Variants in ATR observed in about 807,000 individuals in gnomAD.
ATR encodes ATR checkpoint kinase, also known as serine/threonine-protein kinase ATR.
Under a neutral mutation model 305.3 loss-of-function variants are expected in ATR, and 142 were observed. That is an observed-to-expected ratio of 0.47 (90% CI 0.41 to 0.53). The LOEUF is 0.53. Among genes scored for constraint, ATR ranks in the 20% least tolerant of loss-of-function variants. The pLI, the probability that ATR is intolerant of heterozygous loss-of-function variation, is 0.00. For missense variants in ATR, 2,135 were observed against 3,133.1 expected, an observed-to-expected ratio of 0.68 and a Z score of 7.60; for synonymous variants, 1,050 against 1,068.1, an observed-to-expected ratio of 0.98 and a Z score of 0.33.
chr3:142,544,072 G>A (rs2034166664), intron 16 of ATR, among the ~76,000 whole-genome samples: 1 of 152,050 alleles, frequency 6.6e-6, no homozygotes, highest in Non-Finnish European at 1.5e-5. Context: ...CCTAATGTGT[G>A]ATCTTCTATA....
chr3:142,570,899 A>G (rs1179705995), intron 1 of ATR, among the ~76,000 whole-genome samples: 3 of 152,160 alleles, frequency 2.0e-5, no homozygotes, highest in South Asian at 2.1e-4. Context: ...GGTGATAACT[A>G]AAGAACTGTA....
chr3:142,490,080 A>G (rs939055276), intron 35 of ATR, among the ~76,000 whole-genome samples: 3 of 152,106 alleles, frequency 2.0e-5, no homozygotes, highest in Non-Finnish European at 4.4e-5. Flanking sequence ...CTTTTAATAG[A>G]CAAAGTTTCA....
intron 8 of ATR, among the ~76,000 whole-genome samples, chr3:142,557,779 T>A (rs2034725317): frequency 6.6e-6 from 1 of 152,094 alleles, no homozygotes. Context: ...ACTACAGGCG[T>A]GAGCCACCAT....
chr3:142,541,174 G>T, intron 17 of ATR, 140 bp from the exon 18 acceptor site: 1 of 1,156,098 alleles, frequency 8.6e-7, no homozygotes. Flanking sequence ...ATAAATGTTG[G>T]CCAGTTTGTT....
Position 142,538,306 on chromosome 3 carries a change from A to T in ATR, c.3725+176T>A, listed in dbSNP as rs139490987. ...TTTGGAAATAATTATAATAGAAGCAATGCCACAACTGAAATAGCATCATTT... is the reference window on the plus strand; with the variant it reads ...TTTGGAAATAATTATAATAGAAGCATTGCCACAACTGAAATAGCATCATTT... On this transcript the variant is annotated intron_variant, in intron 19 of 46. Coordinates refer to ENST00000350721, the MANE Select transcript of ATR (RefSeq NM_001184.4). Among the ~76,000 whole-genome samples the T allele has an allele frequency of 9.0e-3, 1,364 of 152,324 alleles. 21 individuals are homozygous for T. The highest frequency in any genetic ancestry group is 0.031 in the African/African-American group (1,290 of 41,578).
chr3:142,563,953 G>T (rs2034972004), intron 3 of ATR, among the ~76,000 whole-genome samples: 1 of 152,070 alleles, frequency 6.6e-6, no homozygotes, highest in African/African-American at 2.4e-5. Flanking sequence ...AAAAGATGAG[G>T]AAATTTCCAG....
rs773274076 is a variant in ATR, at chr3:142,515,500, C to T, written c.4398G>A (p.Gln1466=). The T allele has an allele frequency of 6.2e-7, 1 of 1,611,140 alleles. No individual in the cohort carries two copies. The highest frequency in any genetic ancestry group is 2.2e-5 in the East Asian group (1 of 44,782). Residue 1466 remains glutamine (Q), a synonymous_variant, in exon 25 of 47, where the codon CAG becomes CAA. Transcript: ENST00000350721. ...TTACTCCAGACCAATCGGTTGACTT[C>T]TGAGAACTCTTGTATCTGTAATTTT... ...PHLNTRYKSS[Q]KSTDWSGVKK...
At chr3:142,553,099 G>C in intron 13 of ATR, 128 bp downstream of exon 13, 1 of 1,250,420 alleles carries the variant, frequency 8.0e-7, no homozygotes, top group Non-Finnish European at 1.1e-6. Flanking sequence ...ATATACCCCT[G>C]AACTTAAAAT....
chr3:142,571,325 G>T (rs1005889224), intron 1 of ATR, among the ~76,000 whole-genome samples: 1 of 152,130 alleles, frequency 6.6e-6, no homozygotes, highest in African/African-American at 2.4e-5. Flanking sequence ...AATCAGCTGG[G>T]TGTGGTGGCG....
chr3:142,479,414 C>T (rs569138976), intron 36 of ATR, among the ~76,000 whole-genome samples: 1 of 152,270 alleles, frequency 6.6e-6, no homozygotes, highest in South Asian at 2.1e-4. Flanking sequence ...TGAATATTGG[C>T]CCCCACTCTC....
intron 4 of ATR, 93 bp downstream of exon 4, chr3:142,562,139 T>A (rs1016043164): frequency 7.7e-7 from 1 of 1,303,792 alleles, no homozygotes; most frequent in African/African-American, 1.5e-5. Flanking sequence ...ATTAAAGATA[T>A]TCTATTTTCT....
chr3:142,496,324 A>ATACATGTATATATATATG (rs2031632596), intron 34 of ATR, 37 bp downstream of exon 34: 1 of 316,478 alleles, frequency 3.2e-6, no homozygotes, highest in African/African-American at 3.5e-5. Flanking sequence ...ATATATATAT[A>ATACATGTATATATATATG]TATATATATA....
chr3:142,513,345 G>A (rs779493063), intron 26 of ATR, among the ~76,000 whole-genome samples, 156 bp downstream of exon 26: 3 of 152,100 alleles, frequency 2.0e-5, no homozygotes, highest in Non-Finnish European at 2.9e-5. Flanking sequence ...TCAATTAAAG[G>A]GATACACACA....
chr3:142,465,118 T>C lies in ATR; in HGVS notation c.7020A>G (p.Glu2340=). 1 of 1,550,782 alleles carries C rather than the reference T, an allele frequency of 6.4e-7. No homozygotes were observed. The highest frequency in any genetic ancestry group is 8.7e-7 in the Non-Finnish European group (1 of 1,146,444). The change falls in exon 41 of 47, where the codon GAA becomes GAG. Residue 2340 remains glutamate (E), a synonymous_variant. Transcript: ENST00000350721. ...CAACCTTATTAATCAAGGAATTGAATTCCATTAGTCTACAATCCTTTCTCA... is the reference window on the plus strand; with the variant it reads ...CAACCTTATTAATCAAGGAATTGAACTCCATTAGTCTACAATCCTTTCTCA... ...DDLRKDCRLM[E]FNSLINKCLR...
At position 142,534,485 on chromosome 3, in the gene ATR, C is replaced by G. The variant is rs572029583; in HGVS notation, c.3945+595G>C. Among the ~76,000 whole-genome samples, 5 of 152,230 alleles carry G rather than the reference C, an allele frequency of 3.3e-5. No individual in the cohort carries two copies. In the South Asian group the frequency reaches 8.3e-4, roughly 25 times the overall value. On this transcript the variant is annotated intron_variant, in intron 21 of 46. Transcript: ENST00000350721. The stretch of plus-strand genomic sequence containing the variant: ...CCAAAATTCATGAGGGTCTTAGGCT[C>G]TCATATCTTACCATATGGGTTCTAG...
intron 18 of ATR, among the ~76,000 whole-genome samples, chr3:142,539,075 G>T (rs2033961933): frequency 6.6e-6 from 1 of 152,100 alleles, no homozygotes; most frequent in Admixed American, 6.6e-5. Flanking sequence ...TAAAGAAACT[G>T]AAACAAGTGA....
In ATR at chr3:142,525,516, T is replaced by G. The variant is rs147391621; in HGVS notation, c.3946-1317A>C. On this transcript the variant is annotated intron_variant, in intron 21 of 46. Coordinates refer to ENST00000350721, the MANE Select transcript of ATR (RefSeq NM_001184.4). ...AACTGAAATCGTTATAACATCAACC[T>G]ACCCAATAATAAGGGATTGATATAG... Among the ~76,000 whole-genome samples the G allele has an allele frequency of 1.5e-3, 227 of 152,308 alleles. 1 individual carries two copies. The highest frequency in any genetic ancestry group is 5.1e-3 in the African/African-American group (212 of 41,566).
chr3:142,548,036 G>T, intron 15 of ATR, 126 bp from the exon 16 acceptor site: 1 of 833,106 alleles, frequency 1.2e-6, no homozygotes, highest in Non-Finnish European at 1.9e-6. Flanking sequence ...TTTATTAAAG[G>T]TATTAAGAAA....
At chr3:142,568,241 T>C in intron 1 of ATR, 87 bp from the exon 2 acceptor site, 1 of 939,906 alleles carries the variant, frequency 1.1e-6, no homozygotes, top group South Asian at 1.4e-5. Flanking sequence ...ACTCATCAAA[T>C]GTGTTCAGTG....
Sources: gnomAD v4.1 joint callset for allele counts (sites outside exome capture counted in the v4.1 genomes callset) on GRCh38, gnomAD v4.1.1 for gene constraint, MANE v1.5 for transcripts, NCBI Gene and HGNC (gene_info 2026-07-23, HGNC 2026-07-21) for gene names.